Variants in TMPRSS11E observed in about 807,000 individuals in gnomAD.
TMPRSS11E encodes transmembrane protease serine 11E.
TMPRSS11E carries 38 observed loss-of-function variants against 48.1 expected under a neutral mutation model. The observed-to-expected ratio is 0.79, with a 90% CI of 0.61 to 1.04. TMPRSS11E has a LOEUF of 1.04. Among genes scored for constraint, TMPRSS11E ranks in the 50% least tolerant of loss-of-function variants. The pLI, the probability that TMPRSS11E is intolerant of heterozygous loss-of-function variation, is 0.00. For synonymous variants in TMPRSS11E, 158 were observed against 171.9 expected (o/e 0.92, Z 0.63); for missense variants, 530 against 510.8 (o/e 1.04, Z -0.36).
chr4:68,483,169 C>T (rs1029492612), intron 9 of TMPRSS11E, among the ~76,000 whole-genome samples: 5 of 152,026 alleles, frequency 3.3e-5, no homozygotes, highest in Admixed American at 6.6e-5. Flanking sequence ...TAACTTAGCT[C>T]CTAGGGAGGC....
intron 6 of TMPRSS11E, among the ~76,000 whole-genome samples, chr4:68,475,875 C>A (rs1301975506): frequency 1.3e-5 from 2 of 152,052 alleles, no homozygotes; most frequent in Admixed American, 1.3e-4. Flanking sequence ...GTTGAGGAAC[C>A]CTGTCATAAA....
Position 68,488,077 on chromosome 4 carries a change from C to T in TMPRSS11E, c.1111-8566C>T, listed in dbSNP as rs138967715. On this transcript the variant is annotated intron_variant, in intron 9 of 9. Coordinates refer to ENST00000305363, the MANE Select transcript of TMPRSS11E (RefSeq NM_014058.4). ...TTTGTATGTGACCTGTCCCTTTGCT[C>T]TACTGCTTTTAAGATTTTTTCTTTC... is the stretch of plus-strand genomic sequence containing the variant. Among the ~76,000 whole-genome samples the T allele has an allele frequency of 2.1e-3, 317 of 151,802 alleles. 10 individuals are homozygous for T. The East Asian group carries it at 0.053, about 26-fold the overall frequency.
At chr4:68,454,055 G>A (rs2109662125) in intron 1 of TMPRSS11E, among the ~76,000 whole-genome samples, 1 of 151,986 alleles carries the variant, frequency 6.6e-6, no homozygotes, top group East Asian at 1.9e-4. Context: ...TTTTTCTGGT[G>A]GCTGTGTGCC....
intron 1 of TMPRSS11E, among the ~76,000 whole-genome samples, chr4:68,461,294 G>T (rs756112227): frequency 2.6e-5 from 4 of 152,170 alleles, no homozygotes; most frequent in Non-Finnish European, 5.9e-5. Context: ...TTTGGAAATA[G>T]ATCAGAAAAT....
intron 1 of TMPRSS11E, among the ~76,000 whole-genome samples, chr4:68,455,671 T>C (rs1406703): frequency 0.019 from 2,885 of 152,098 alleles, 41 homozygotes; most frequent in Admixed American, 0.028. Flanking sequence ...CTCAATCATT[T>C]TTCTTCTGAT....
intron 9 of TMPRSS11E, among the ~76,000 whole-genome samples, chr4:68,483,870 G>C (rs1363206660): frequency 6.6e-6 from 1 of 152,134 alleles, no homozygotes; most frequent in Non-Finnish European, 1.5e-5. Flanking sequence ...GTTATACCCA[G>C]CACCATTTAT....
intron 9 of TMPRSS11E, among the ~76,000 whole-genome samples, chr4:68,489,522 T>G (rs1729656469): frequency 6.6e-6 from 1 of 152,146 alleles, no homozygotes; most frequent in African/African-American, 2.4e-5. Flanking sequence ...TCAGTGTGCA[T>G]GCATACACCA....
At chr4:68,491,975 C>T (rs921425781) in intron 9 of TMPRSS11E, among the ~76,000 whole-genome samples, 1 of 152,184 alleles carries the variant, frequency 6.6e-6, no homozygotes, top group Non-Finnish European at 1.5e-5. Context: ...TAGCAATGTT[C>T]AGTTTGCTAC....
chr4:68,460,032 G>A (rs1433271711), intron 1 of TMPRSS11E, among the ~76,000 whole-genome samples: 1 of 152,126 alleles, frequency 6.6e-6, no homozygotes, highest in Non-Finnish European at 1.5e-5. Flanking sequence ...TTCTACTCAA[G>A]GGAAAACTGG....
intron 1 of TMPRSS11E, among the ~76,000 whole-genome samples, chr4:68,454,260 C>T (rs1728569768): frequency 6.6e-6 from 1 of 151,776 alleles, no homozygotes; most frequent in Admixed American, 6.6e-5. Context: ...ATTTGGTAGT[C>T]ATCAGTATAT....
chr4:68,458,338 A>G (rs1485775179), intron 1 of TMPRSS11E, among the ~76,000 whole-genome samples: 2 of 141,928 alleles, frequency 1.4e-5, no homozygotes, highest in Non-Finnish European at 3.2e-5. Flanking sequence ...GTTTTCTGGC[A>G]ATTTGGGGCT....
chr4:68,473,841 G>T (rs1266431920), intron 5 of TMPRSS11E, among the ~76,000 whole-genome samples: 2 of 152,056 alleles, frequency 1.3e-5, no homozygotes, highest in Non-Finnish European at 2.9e-5. Flanking sequence ...AGACTAAATT[G>T]TAAATTCTTC....
At chr4:68,473,759 AG>A (rs1729138131) in intron 5 of TMPRSS11E, among the ~76,000 whole-genome samples, 1 of 152,110 alleles carries the variant, frequency 6.6e-6, no homozygotes, top group African/African-American at 2.4e-5. Context: ...ACATTTTCCT[AG>A]GAAGAGCTTG....
At chr4:68,492,361 C>T (rs1729749898) in intron 9 of TMPRSS11E, among the ~76,000 whole-genome samples, 1 of 152,168 alleles carries the variant, frequency 6.6e-6, no homozygotes, top group African/African-American at 2.4e-5. Context: ...TATCTTATTA[C>T]TCAATGAGCA....
chr4:68,462,414 TAAA>T (rs34825904), intron 2 of TMPRSS11E, among the ~76,000 whole-genome samples: 39 of 120,858 alleles, frequency 3.2e-4, no homozygotes, highest in African/African-American at 8.9e-4. Flanking sequence ...CCGTGTCTAC[TAAA>T]AAAAAAAAAA....
intron 3 of TMPRSS11E, 101 bp from the exon 4 acceptor site, chr4:68,468,778 T>G (rs956769604): frequency 3.4e-6 from 3 of 891,672 alleles, no homozygotes; most frequent in Non-Finnish European, 5.6e-6. Flanking sequence ...CAATGTTTTT[T>G]GCTCTGTTTT....
intron 2 of TMPRSS11E, among the ~76,000 whole-genome samples, chr4:68,463,706 C>T (rs1212977358): frequency 6.6e-6 from 1 of 152,166 alleles, no homozygotes; most frequent in African/African-American, 2.4e-5. Context: ...CATTATTTGT[C>T]CCCATGGATG....
chr4:68,458,308 G>A (rs990257796), intron 1 of TMPRSS11E, among the ~76,000 whole-genome samples: 1 of 151,954 alleles, frequency 6.6e-6, no homozygotes, highest in Admixed American at 6.6e-5. Flanking sequence ...TAATAATAAT[G>A]CAGCCTAAGC....
At chr4:68,489,957 A>T (rs552585501) in intron 9 of TMPRSS11E, among the ~76,000 whole-genome samples, 4 of 152,184 alleles carry the variant, frequency 2.6e-5, no homozygotes, top group Non-Finnish European at 4.4e-5. Context: ...GACTCTGTGC[A>T]GGCTAGAATT....
Sources: allele counts gnomAD v4.1 joint callset (sites outside exome capture counted in the v4.1 genomes callset), GRCh38; gene constraint gnomAD v4.1.1; transcripts MANE v1.5; gene names NCBI Gene and HGNC (gene_info 2026-07-23, HGNC 2026-07-21).